Variants in CUL5 observed in about 807,000 individuals in gnomAD.
The protein encoded by CUL5 is cullin-5.
CUL5 carries 26 observed loss-of-function variants against 108.8 expected under a neutral mutation model. The observed-to-expected ratio is 0.24, with a 90% CI of 0.18 to 0.33. The LOEUF (loss-of-function observed/expected upper bound fraction) is 0.33. Ranked by LOEUF, CUL5 falls within the 10% of genes least tolerant of loss-of-function variation. The pLI, the probability that CUL5 is intolerant of heterozygous loss-of-function variation, is 1.00. For missense variants in CUL5, 524 were observed against 909.2 expected, an observed-to-expected ratio of 0.58 and a Z score of 5.45; for synonymous variants, 334 against 298.0, an observed-to-expected ratio of 1.12 and a Z score of -1.25.
chr11:108,087,982 A>T (rs547437721), intron 11 of CUL5, among the ~76,000 whole-genome samples: 1 of 152,104 alleles, frequency 6.6e-6, no homozygotes, highest in Non-Finnish European at 1.5e-5. Context: ...ACTAAAAAAA[A>T]ATTTGTATCA....
intron 1 of CUL5, among the ~76,000 whole-genome samples, chr11:108,020,403 A>G (rs888087125): frequency 5.3e-5 from 8 of 152,298 alleles, no homozygotes; most frequent in African/African-American, 1.9e-4. Flanking sequence ...GTGGAGGCCT[A>G]GGCTAGTGTG....
At chr11:108,042,647 TC>T (rs1487288785) in intron 2 of CUL5, among the ~76,000 whole-genome samples, 2 of 152,196 alleles carry the variant, frequency 1.3e-5, no homozygotes, top group African/African-American at 2.4e-5. Flanking sequence ...AGGAAGCCTT[TC>T]CTTTTCCTCT....
intron 1 of CUL5, among the ~76,000 whole-genome samples, chr11:108,027,494 A>G (rs1236609539): frequency 6.6e-6 from 1 of 151,320 alleles, no homozygotes; most frequent in African/African-American, 2.4e-5. Context: ...CTGGTCTCGA[A>G]CTCCTGATGT....
rs184651216 is a variant in CUL5 at position 108,100,792 on chromosome 11, A to T, written c.2148+2263A>T. Among the ~76,000 whole-genome samples, 4 of 152,332 alleles carry T rather than the reference A, an allele frequency of 2.6e-5. No homozygotes were observed. In the East Asian group the frequency reaches 7.7e-4, roughly 29 times the overall value. ...ACGCCTGTAATCCCAACACTTTGGG[A>T]GGCCGAGGCGGGTGGATCACAAGGC... On this transcript the variant is annotated intron_variant, in intron 18 of 18. Transcript: ENST00000393094.
intron 9 of CUL5, among the ~76,000 whole-genome samples, chr11:108,072,901 A>G (rs1219933742): frequency 6.6e-6 from 1 of 152,102 alleles, no homozygotes; most frequent in Non-Finnish European, 1.5e-5. Flanking sequence ...TGAAATTACT[A>G]TTTTCTCTGT....
intron 11 of CUL5, chr11:108,085,092 G>T (rs1012222988): frequency 6.6e-6 from 1 of 152,162 alleles, no homozygotes; most frequent in Non-Finnish European, 1.5e-5. Context: ...AAAGAGAAAT[G>T]AAAACATACT....
intron 10 of CUL5, 60 bp downstream of exon 10, chr11:108,073,557 C>T (rs1031000018): frequency 5.6e-6 from 4 of 713,242 alleles, no homozygotes; most frequent in Non-Finnish European, 8.8e-6. Context: ...TAATTTACTT[C>T]TAATAATCAA....
In CUL5 at chr11:108,106,379, T is replaced by C. The variant is rs1439151925; in HGVS notation, c.*1995T>C. The C allele has an allele frequency of 6.6e-6, 1 of 152,540 alleles. No individual in the cohort carries two copies. Among genetic ancestry groups the C allele is most frequent in the African/African-American group, 2.4e-5 (1 of 41,454 alleles). The allele number at this position is 152,540 out of a possible 1,614,324, so 9.4% of individuals were successfully genotyped here. The stretch of plus-strand genomic sequence containing the variant: ...TCATTTAATTTAAGAATGAGAGTCA[T>C]GATGTTTTGATTTATGAAGGTGAAT... On this transcript the variant is annotated 3_prime_UTR_variant, in exon 19 of 19. Transcript: ENST00000393094.
chr11:108,103,807 CAGATT>C (rs1864726600), intron 18 of CUL5, among the ~76,000 whole-genome samples: 1 of 152,078 alleles, frequency 6.6e-6, no homozygotes, highest in African/African-American at 2.4e-5. Context: ...TCTCTATAGT[CAGATT>C]TTTTTTAAAT....
intron 12 of CUL5, 108 bp downstream of exon 12, chr11:108,088,767 A>C (rs1864283391): frequency 1.2e-6 from 1 of 847,936 alleles, no homozygotes; most frequent in African/African-American, 1.8e-5. Context: ...TATTATCTGT[A>C]AAGAACTAAT....
intron 7 of CUL5, among the ~76,000 whole-genome samples, chr11:108,064,905 G>A (rs1214546803): frequency 6.6e-6 from 1 of 152,044 alleles, no homozygotes; most frequent in Non-Finnish European, 1.5e-5. Context: ...TTTTCAGACA[G>A]TTTGAGTAGA....
chr11:108,029,258 G>T (rs536017615), intron 1 of CUL5, among the ~76,000 whole-genome samples: 227 of 152,104 alleles, frequency 1.5e-3, no homozygotes, highest in African/African-American at 5.2e-3. Context: ...GCTTCCCCAC[G>T]GCCCATTTGT....
intron 13 of CUL5, among the ~76,000 whole-genome samples, chr11:108,090,786 G>A (rs1864333838): frequency 1.3e-5 from 2 of 151,942 alleles, no homozygotes; most frequent in Non-Finnish European, 1.5e-5. Context: ...GAGAGAGTGC[G>A]AGCAAGCACA....
At position 108,082,483 on chromosome 11, in the gene CUL5, A is replaced by T. The variant is rs537348204; in HGVS notation, c.1178+4243A>T. ...GTAGAGACAGTCTCTCACTGTGTTGACCAGGCTGGTCTTGAACTCCTGGGC... is the reference window on the plus strand; with the variant it reads ...GTAGAGACAGTCTCTCACTGTGTTGTCCAGGCTGGTCTTGAACTCCTGGGC... On this transcript the variant is annotated intron_variant, in intron 11 of 18. Coordinates refer to ENST00000393094, the MANE Select transcript of CUL5 (RefSeq NM_003478.6). Among the ~76,000 whole-genome samples, 3 of 152,016 alleles carry T rather than the reference A, an allele frequency of 2.0e-5. No homozygotes were observed. In the East Asian group the frequency reaches 5.8e-4, roughly 29 times the overall value.
chr11:108,047,138 T>G (rs2135121749), intron 3 of CUL5, among the ~76,000 whole-genome samples: 1 of 152,174 alleles, frequency 6.6e-6, no homozygotes, highest in African/African-American at 2.4e-5. Context: ...GGAAACATGG[T>G]GAGACCTTGC....
At chr11:108,071,010 G>A (rs1863806697) in intron 8 of CUL5, among the ~76,000 whole-genome samples, 1 of 152,176 alleles carries the variant, frequency 6.6e-6, no homozygotes, top group Non-Finnish European at 1.5e-5. Context: ...TTATTTAGTG[G>A]TAATCAGTAC....
At chr11:108,009,532 T>C (rs1862006530) in intron 1 of CUL5, among the ~76,000 whole-genome samples, 160 bp downstream of exon 1, 1 of 151,726 alleles carries the variant, frequency 6.6e-6, no homozygotes, top group Non-Finnish European at 1.5e-5. Context: ...GGAACGCGGG[T>C]CTGTGGCCTT....
chr11:108,033,728 T>G, intron 1 of CUL5, 74 bp from the exon 2 acceptor site: 1 of 876,608 alleles, frequency 1.1e-6, no homozygotes, highest in Admixed American at 2.5e-5. Flanking sequence ...TCTAGCTGTC[T>G]CATAAAAATT....
chr11:108,069,949 C>A, intron 7 of CUL5, 147 bp from the exon 8 acceptor site: 1 of 477,224 alleles, frequency 2.1e-6, no homozygotes, highest in Non-Finnish European at 3.7e-6. Flanking sequence ...GCATATCCAT[C>A]TTCAATAATC....
Sources: gnomAD v4.1 joint callset for allele counts (sites outside exome capture counted in the v4.1 genomes callset) on GRCh38, gnomAD v4.1.1 for gene constraint, MANE v1.5 for transcripts, NCBI Gene and HGNC (gene_info 2026-07-23, HGNC 2026-07-21) for gene names.